The following POMT1 variants were observed in gnomAD, a reference collection of about 807,000 sequenced individuals.
The protein encoded by POMT1 is protein O-mannosyl-transferase 1.
In POMT1, 85 loss-of-function variants were observed where a neutral mutation model predicts 101.6. The ratio of observed to expected loss-of-function variants is 0.84; its 90% CI spans 0.70 to 1.00. The LOEUF (loss-of-function observed/expected upper bound fraction) is 1.00, where lower values mean the gene tolerates loss of function less well. POMT1 is among the 50% of genes least tolerant of loss of function. POMT1 has a pLI of 0.00. For synonymous variants in POMT1, 371 were observed against 383.0 expected, an observed-to-expected ratio of 0.97 and a Z score of 0.37; for missense variants, 857 against 930.4, an observed-to-expected ratio of 0.92 and a Z score of 1.03.
rs1950222695 is a variant in POMT1, at chr9:131,522,830, G to A, written c.2004-102G>A. ...CAGAAACCTGAAGGCAGAACCCCAG[G>A]CCTCGGGGGGTGACCGTGTGGACAG... On this transcript the variant is annotated intron_variant, in intron 19 of 19. Transcript: ENST00000402686. This position sits in a 1 kb window ranked among gnomAD's most constrained non-coding sequence, Gnocchi z 5.5. 12 of 1,252,710 alleles carry A rather than the reference G, an allele frequency of 9.6e-6. No individual in the cohort carries two copies. Among genetic ancestry groups the A allele is most frequent in the Non-Finnish European group, 1.2e-5 (11 of 891,428 alleles). 77.6% of individuals were successfully genotyped at this position (1,252,710 alleles called of 1,614,324 possible).
chr9:131,520,960 A>C (rs1236694830), intron 17 of POMT1: 7 of 342,034 alleles, frequency 2.0e-5, no homozygotes, highest in Non-Finnish European at 4.0e-5. Context: ...CTCCTGCCTC[A>C]GCCTCCAAGT....
Position 131,508,935 on chromosome 9 carries a change from G to A in POMT1, c.452G>A (p.Arg151Lys), listed in dbSNP as rs398124246. 5 of 1,613,514 alleles carry A rather than the reference G, an allele frequency of 3.1e-6. No homozygotes were observed. The East Asian group carries it at 8.9e-5, about 29-fold the overall frequency. The change falls in exon 6 of 20, where the codon AGG (arginine) becomes AAG (lysine). Residue 151 changes from arginine to lysine, a missense_variant. Arg to Lys is a conservative substitution (Grantham distance 26). Transcript: ENST00000402686. ...LIENALITQS[R>K]LMLLESVLIF... Reference sequence around the variant, plus strand: ...GAGAATGCTCTCATCACTCAGTCAAGGCTAATGCTTTTGGAATCAGTGTTA... The same window carrying A: ...GAGAATGCTCTCATCACTCAGTCAAAGCTAATGCTTTTGGAATCAGTGTTA...
In POMT1 at chr9:131,504,157, T is replaced by C. The variant is rs114685726; in HGVS notation, c.-30-32T>C. The stretch of plus-strand genomic sequence containing the variant: ...CCCTTCTGTAGCCTCTCGTGAGCCC[T>C]CATGGACCACGGCTCCTCCCTTCTT... On this transcript the variant is annotated intron_variant, in intron 1 of 19. Coordinates refer to ENST00000402686, the MANE Select transcript of POMT1 (RefSeq NM_001077365.2). 1,079 of 1,613,328 alleles carry C rather than the reference T, an allele frequency of 6.7e-4. 2 individuals carry two copies. In the African/African-American group the frequency reaches 0.011, roughly 16 times the overall value.
At chr9:131,514,274 C>T (rs2131727560) in intron 12 of POMT1, among the ~76,000 whole-genome samples, 1 of 152,314 alleles carries the variant, frequency 6.6e-6, no homozygotes, top group South Asian at 2.1e-4. Context: ...ACTCCCGTCA[C>T]CCGCCAAGGT....
intron 9 of POMT1, chr9:131,510,992 T>C (rs1947000511): frequency 6.9e-6 from 2 of 289,360 alleles, no homozygotes; most frequent in East Asian, 1.7e-4. Context: ...TGTAGTGCTG[T>C]GTGTTTCAGC....
intron 10 of POMT1, chr9:131,511,748 T>C: frequency 1.7e-6 from 1 of 574,846 alleles, no homozygotes; most frequent in Non-Finnish European, 3.1e-6. Context: ...CTGTGGTATC[T>C]TCATTTTCCC....
rs1239603293 is a variant in POMT1 at position 131,509,015 on chromosome 9, A to C, written c.532A>C (p.Lys178Gln). Residue 178 changes from lysine to glutamine, a missense_variant, in exon 6 of 20, where the codon AAG (lysine) becomes CAG (glutamine). Transcript: ENST00000402686. ...CTACCTGAAGTTCTTCAACTGCCAA[A>C]AGCACAGGTATGGAAAATGGAGTGT... ...LSYLKFFNCQ[K>Q]HSPFSLSWWF... 1.9e-6 allele frequency: 3 copies of C among 1,603,648 alleles called. No individual in the cohort carries two copies. In the South Asian group the frequency reaches 3.3e-5, roughly 18 times the overall value.
In POMT1 at chr9:131,522,989, G is replaced by C; in HGVS notation, c.2061G>C (p.Ala687=). 1 of 1,606,914 alleles carries C rather than the reference G, an allele frequency of 6.2e-7. No individual in the cohort carries two copies. Among genetic ancestry groups the C allele is most frequent in the African/African-American group, 1.3e-5 (1 of 74,934 alleles). The part of the protein sequence containing the change: ...SALVVAWYSS[A]CHVSNTLRPL... ...TGGTGGTGGCCTGGTACTCCTCCGC[G>C]TGCCACGTGTCCAACACGCTGCGCC... The change falls in exon 20 of 20, where the codon GCG becomes GCC. Residue 687 remains alanine (A), a synonymous_variant. Coordinates refer to ENST00000402686, the MANE Select transcript of POMT1 (RefSeq NM_001077365.2). This position sits in a 1 kb window ranked among gnomAD's most constrained non-coding sequence, Gnocchi z 5.5.
In POMT1 at chr9:131,506,713, C is replaced by T. The variant is rs575090291; in HGVS notation, c.280+260C>T. On this transcript the variant is annotated intron_variant, in intron 4 of 19. Coordinates refer to ENST00000402686, the MANE Select transcript of POMT1 (RefSeq NM_001077365.2). The stretch of plus-strand genomic sequence containing the variant: ...TGTCGTTGGTACACGTATCACAGAG[C>T]GTCTGATTGTGATGATCGGTTGTAC... 17 of 519,282 alleles carry T rather than the reference C, an allele frequency of 3.3e-5. No individual in the cohort carries two copies. In the East Asian group the frequency reaches 3.5e-4, roughly 11 times the overall value. 32.2% of individuals were successfully genotyped at this position (519,282 alleles called of 1,614,324 possible).
chr9:131,513,109 C>T, intron 11 of POMT1, 130 bp from the exon 12 acceptor site: 2 of 753,248 alleles, frequency 2.7e-6, no homozygotes, highest in Non-Finnish European at 4.7e-6. Flanking sequence ...CCTGTGTTCA[C>T]CTCATGTGAG....
chr9:131,513,521 T>G (rs1007455087), intron 12 of POMT1, among the ~76,000 whole-genome samples, 190 bp downstream of exon 12: 14 of 152,102 alleles, frequency 9.2e-5, no homozygotes, highest in Non-Finnish European at 1.8e-4. Context: ...GGAGCGGGGT[T>G]AAGAGGAAGC....
Position 131,507,409 on chromosome 9 carries a change from C to T in POMT1, c.322C>T (p.Pro108Ser). 6.2e-7 allele frequency: 1 copy of T among 1,614,206 alleles called. No homozygotes were observed. The highest frequency in any genetic ancestry group is 8.5e-7 in the Non-Finnish European group (1 of 1,180,034). Reference protein sequence around the residue: ...NVPVWSLRLLPALAGALSVPM... With the variant: ...NVPVWSLRLLSALAGALSVPM... ...GCCTGTGTGGTCCCTGCGCCTGCTG[C>T]CAGCACTCGCGGGGGCCTTGTCGGT... Residue 108 changes from proline to serine, a missense_variant, in exon 5 of 20, where the codon CCA becomes TCA. Physicochemically the swap from Pro to Ser is moderately conservative, Grantham distance 74 (BLOSUM62 -1). Coordinates refer to ENST00000402686, the MANE Select transcript of POMT1 (RefSeq NM_001077365.2).
intron 8 of POMT1, 122 bp from the exon 9 acceptor site, chr9:131,510,138 G>A: frequency 6.2e-7 from 1 of 1,610,456 alleles, no homozygotes. Context: ...CTTGGCCTCT[G>A]CAGGTGCCTC....
At chr9:131,515,855 T>TCTAACATGGAGCACTTCCTCTAA (rs1243967556) in intron 13 of POMT1, among the ~76,000 whole-genome samples, 3 of 112,454 alleles carry the variant, frequency 2.7e-5, no homozygotes, top group African/African-American at 6.4e-5. Context: ...GAGCACTTCC[T>TCTAACATGGAGCACTTCCTCTAA]CACAGGGAGC....
intron 5 of POMT1, among the ~76,000 whole-genome samples, chr9:131,508,316 A>G (rs1946312781): frequency 6.6e-6 from 1 of 152,070 alleles, no homozygotes; most frequent in South Asian, 2.1e-4. Flanking sequence ...GTGGATCACA[A>G]GGTCAAGAGA....
Position 131,519,617 on chromosome 9 carries a change from G to C in POMT1, c.1584+131G>C, listed in dbSNP as rs1169276302. ...TGGAGCTACAGGCTCACAACAGAAT[G>C]AGTGTCTCCTCTCTCCAGTGTAAGG... On this transcript the variant is annotated intron_variant, in intron 16 of 19. Coordinates refer to ENST00000402686, the MANE Select transcript of POMT1 (RefSeq NM_001077365.2). This position sits in a 1 kb window ranked among gnomAD's most constrained non-coding sequence, Gnocchi z 4.3. 2 of 874,422 alleles carry C rather than the reference G, an allele frequency of 2.3e-6. No individual in the cohort carries two copies. Among genetic ancestry groups the C allele is most frequent in the Non-Finnish European group, 3.7e-6 (2 of 546,716 alleles). 54.2% of individuals were successfully genotyped at this position (874,422 alleles called of 1,614,324 possible).
chr9:131,509,620 C>T (rs539358065), intron 6 of POMT1, 123 bp from the exon 7 acceptor site: 2 of 1,576,938 alleles, frequency 1.3e-6, no homozygotes, highest in African/African-American at 2.7e-5. Context: ...TTTCTTACTG[C>T]CCCTGTGGCT....
rs1481702851 is a variant in POMT1, at chr9:131,509,127, G to A, written c.539+105G>A. 10 of 771,840 alleles carry A rather than the reference G, an allele frequency of 1.3e-5. No individual in the cohort carries two copies. In the Admixed American group the frequency reaches 1.8e-4, roughly 14 times the overall value. The allele number at this position is 771,840 out of a possible 1,614,324, so 47.8% of individuals were successfully genotyped here. On this transcript the variant is annotated intron_variant, in intron 6 of 19. Transcript: ENST00000402686. The stretch of plus-strand genomic sequence containing the variant: ...TTTTTTTGTTTCGTTTTGTGAGACA[G>A]TACCTTTTCATTTTGAGGAGTTGCT...
At position 131,519,671 on chromosome 9, in the gene POMT1, C is replaced by G. The variant is rs747454096; in HGVS notation, c.1584+185C>G. Among the ~76,000 whole-genome samples, 2 of 152,186 alleles carry G rather than the reference C, an allele frequency of 1.3e-5. No homozygotes were observed. The highest frequency in any genetic ancestry group is 2.9e-5 in the Non-Finnish European group (2 of 68,026). Reference sequence around the variant, plus strand: ...TGTGTGTGACACCCCTGGCCCACACCTTGTGGCCCTGTGGTCAGGAATAAT... The same window carrying G: ...TGTGTGTGACACCCCTGGCCCACACGTTGTGGCCCTGTGGTCAGGAATAAT... On this transcript the variant is annotated intron_variant, in intron 16 of 19. Coordinates refer to ENST00000402686, the MANE Select transcript of POMT1 (RefSeq NM_001077365.2). This position sits in a 1 kb window ranked among gnomAD's most constrained non-coding sequence, Gnocchi z 4.3.
Sources: gnomAD v4.1 joint callset for allele counts (sites outside exome capture counted in the v4.1 genomes callset) on GRCh38, gnomAD v4.1.1 for gene constraint, Gnocchi (gnomAD v3.1) non-coding constraint, MANE v1.5 for transcripts, NCBI Gene and HGNC (gene_info 2026-07-23, HGNC 2026-07-21) for gene names.